The following SMOC2 variants were observed in gnomAD, a reference collection of about 807,000 sequenced individuals.
The protein encoded by SMOC2 is SPARC-related modular calcium-binding protein 2.
A neutral mutation model predicts 61.4 loss-of-function variants in SMOC2; 39 were observed. That is an observed-to-expected ratio of 0.64 (90% CI 0.49 to 0.83). SMOC2 has a LOEUF of 0.83. SMOC2 is among the 40% of genes least tolerant of loss of function. The probability of loss-of-function intolerance (pLI) is 0.00; values close to 1 mark genes in which losing one functional copy is unlikely to be tolerated. For missense variants in SMOC2, 556 were observed against 592.9 expected (o/e 0.94, Z 0.65); for synonymous variants, 247 against 239.9 (o/e 1.03, Z -0.27).
chr6:168,532,570 T>C (rs976016344), intron 4 of SMOC2, among the ~76,000 whole-genome samples: 1 of 152,200 alleles, frequency 6.6e-6, no homozygotes, highest in African/African-American at 2.4e-5. Flanking sequence ...GTTTTTAATC[T>C]CATCTCTCCT....
At chr6:168,665,949 A>T (rs918085142) in intron 12 of SMOC2, among the ~76,000 whole-genome samples, 1 of 150,692 alleles carries the variant, frequency 6.6e-6, no homozygotes, top group Non-Finnish European at 1.5e-5. Flanking sequence ...GAAAGTCAAG[A>T]TGCTGAGTTA....
intron 5 of SMOC2, 22 bp downstream of exon 5, chr6:168,543,694 T>G: frequency 2.5e-6 from 4 of 1,604,996 alleles, no homozygotes; most frequent in Non-Finnish European, 3.4e-6. Context: ...AGAATAAATG[T>G]CTATGACGAT....
chr6:168,461,065 T>C (rs999236542), intron 1 of SMOC2, among the ~76,000 whole-genome samples: 1 of 152,202 alleles, frequency 6.6e-6, no homozygotes, highest in Non-Finnish European at 1.5e-5. Flanking sequence ...TATCCAGTAC[T>C]GGCAATTTAC....
chr6:168,566,731 C>G (rs1245500520), intron 7 of SMOC2, among the ~76,000 whole-genome samples: 1 of 152,044 alleles, frequency 6.6e-6, no homozygotes, highest in Non-Finnish European at 1.5e-5. Context: ...GATCTCTTGA[C>G]CTCATGATCT....
intron 2 of SMOC2, 85 bp from the exon 3 acceptor site, chr6:168,526,261 T>G (rs1011517354): frequency 8.0e-7 from 1 of 1,253,784 alleles, no homozygotes; most frequent in South Asian, 1.2e-5. Context: ...GCCTAACTCA[T>G]GCCTTCACAT....
intron 9 of SMOC2, among the ~76,000 whole-genome samples, chr6:168,616,995 A>G (rs529413915): frequency 2.0e-5 from 3 of 152,306 alleles, no homozygotes; most frequent in Admixed American, 2.0e-4. Flanking sequence ...TTCTCCTGGG[A>G]AAGAAAGTGG....
intron 8 of SMOC2, among the ~76,000 whole-genome samples, chr6:168,604,307 T>C (rs1785631905): frequency 1.3e-5 from 2 of 152,226 alleles, no homozygotes; most frequent in Admixed American, 6.5e-5. Flanking sequence ...TTAGATCATA[T>C]GTCCATGGCT....
chr6:168,474,412 G>A (rs1478807115), intron 1 of SMOC2, among the ~76,000 whole-genome samples: 1 of 152,040 alleles, frequency 6.6e-6, no homozygotes, highest in Non-Finnish European at 1.5e-5. Context: ...TCGTGATTTT[G>A]TTCCACTGAT....
At chr6:168,486,403 A>G (rs749027650) in intron 1 of SMOC2, among the ~76,000 whole-genome samples, 3 of 152,144 alleles carry the variant, frequency 2.0e-5, no homozygotes, top group African/African-American at 4.8e-5. Context: ...CAAAGGACCC[A>G]CACATTCCCT....
intron 9 of SMOC2, among the ~76,000 whole-genome samples, chr6:168,613,452 C>G (rs1583160323): frequency 6.6e-6 from 1 of 152,116 alleles, no homozygotes; most frequent in East Asian, 1.9e-4. Flanking sequence ...TCTCCTGGAT[C>G]CCCAGAGCTC....
Position 168,453,900 on chromosome 6 carries a change from C to T in SMOC2, c.84+12446C>T, listed in dbSNP as rs1479763581. ...CATCTCTGTCTCTCTATCTCTCTTT[C>T]TCTCTGTCTTCCTCTCTCTCTGTCT... On this transcript the variant is annotated intron_variant, in intron 1 of 12. Coordinates refer to ENST00000356284, the MANE Select transcript of SMOC2 (RefSeq NM_001166412.2). This position sits in a 1 kb window ranked among gnomAD's most constrained non-coding sequence, Gnocchi z 4.4. Among the ~76,000 whole-genome samples, 1 of 151,546 alleles carries T rather than the reference C, an allele frequency of 6.6e-6. No individual in the cohort carries two copies. Among genetic ancestry groups the T allele is most frequent in the Non-Finnish European group, 1.5e-5 (1 of 67,904 alleles).
rs1562535995 is a variant in SMOC2 at position 168,451,623 on chromosome 6, CTCTCT to C, written c.84+10170_84+10174del. Reference sequence around the variant, plus strand: ...TGTCTCTCTCTCTCTCTCTCTCTCTCTCTCTCCCTCCCTCTCTGGGTGTATATTTT... The same window carrying C: ...TGTCTCTCTCTCTCTCTCTCTCTCTCCCCTCCCTCTCTGGGTGTATATTTT... On this transcript the variant is annotated intron_variant, in intron 1 of 12. Coordinates refer to ENST00000356284, the MANE Select transcript of SMOC2 (RefSeq NM_001166412.2). Among the ~76,000 whole-genome samples the C allele has an allele frequency of 1.1e-4, 17 of 151,576 alleles. No individual in the cohort carries two copies. The East Asian group carries it at 1.6e-3, about 14-fold the overall frequency.
intron 9 of SMOC2, among the ~76,000 whole-genome samples, chr6:168,648,181 T>C (rs888707536): frequency 6.6e-6 from 1 of 152,210 alleles, no homozygotes; most frequent in African/African-American, 2.4e-5. Context: ...TCCCAGATAA[T>C]AATATTCTTC....
chr6:168,452,465 G>GT lies in SMOC2; in HGVS notation c.84+11015dup, dbSNP rs1320021508. On this transcript the variant is annotated intron_variant, in intron 1 of 12. Transcript: ENST00000356284. This position sits in a 1 kb window ranked among gnomAD's most constrained non-coding sequence, Gnocchi z 5.0. ...GAGGTCAGTCCACTTTGTGAGTCGG[G>GT]TTTTATTCAAAGCAATCGCTTAACT... Among the ~76,000 whole-genome samples, 2 of 152,146 alleles carry GT rather than the reference G, an allele frequency of 1.3e-5. No homozygotes were observed. The highest frequency in any genetic ancestry group is 2.9e-5 in the Non-Finnish European group (2 of 68,026).
intron 1 of SMOC2, among the ~76,000 whole-genome samples, chr6:168,487,693 G>A (rs1782366510): frequency 6.6e-6 from 1 of 151,876 alleles, no homozygotes; most frequent in South Asian, 2.1e-4. Flanking sequence ...AGTAGAGATG[G>A]GGCTTCACCA....
chr6:168,442,247 G>A (rs1781228792), intron 1 of SMOC2, among the ~76,000 whole-genome samples: 1 of 152,266 alleles, frequency 6.6e-6, no homozygotes, highest in Admixed American at 6.5e-5. Context: ...GCGCTCCTGA[G>A]CGCGAGGGTC....
intron 1 of SMOC2, among the ~76,000 whole-genome samples, chr6:168,498,550 T>C (rs1170444567): frequency 2.0e-5 from 3 of 152,264 alleles, no homozygotes; most frequent in Non-Finnish European, 2.9e-5. Flanking sequence ...TGGGGTTGTC[T>C]GTGTCCCTGG....
Position 168,653,030 on chromosome 6 carries a change from T to G in SMOC2, c.1087T>G (p.Ser363Ala). 6.2e-7 allele frequency: 1 copy of G among 1,614,018 alleles called. No individual in the cohort carries two copies. Among genetic ancestry groups the G allele is most frequent in the Non-Finnish European group, 8.5e-7 (1 of 1,180,004 alleles). Residue 363 changes from serine to alanine, a missense_variant, in exon 11 of 13, where the codon TCC (serine) becomes GCC (alanine). By Grantham distance (99) the Ser-to-Ala change is moderately conservative. Coordinates refer to ENST00000356284, the MANE Select transcript of SMOC2 (RefSeq NM_001166412.2). Reference sequence around the variant, plus strand: ...GTACTTCAAACTACTGGATAAAAACTCCAGTGGAGACATCGGCAAAAAGGA... The same window carrying G: ...GTACTTCAAACTACTGGATAAAAACGCCAGTGGAGACATCGGCAAAAAGGA... ...HWYFKLLDKN[S>A]SGDIGKKEIK...
intron 9 of SMOC2, among the ~76,000 whole-genome samples, chr6:168,638,399 A>G (rs1786802932): frequency 1.3e-5 from 2 of 152,200 alleles, no homozygotes; most frequent in Admixed American, 6.5e-5. Context: ...TTAGACACTA[A>G]GCAAACATGT....
Sources: gnomAD v4.1 joint callset for allele counts (sites outside exome capture counted in the v4.1 genomes callset) on GRCh38, gnomAD v4.1.1 for gene constraint, Gnocchi (gnomAD v3.1) non-coding constraint, MANE v1.5 for transcripts, NCBI Gene and HGNC (gene_info 2026-07-23, HGNC 2026-07-21) for gene names.